Variants in ACSM1 observed in about 807,000 individuals in gnomAD.
The protein encoded by ACSM1 is acyl-coenzyme A synthetase ACSM1, mitochondrial.
Under a neutral mutation model 75.8 loss-of-function variants are expected in ACSM1, and 79 were observed. The ratio of observed to expected loss-of-function variants is 1.04; its 90% confidence interval spans 0.87 to 1.26. ACSM1 has a LOEUF of 1.26. Ranked by LOEUF, ACSM1 falls within the 50% of genes most tolerant of loss-of-function variation. ACSM1 has a pLI of 0.00. For missense variants in ACSM1, 676 were observed against 720.1 expected (o/e 0.94, Z 0.70); for synonymous variants, 279 against 265.8 (o/e 1.05, Z -0.48).
chr16:20,649,635 T>A (rs163267), intron 7 of ACSM1, among the ~76,000 whole-genome samples: 48,494 of 151,988 alleles, frequency 0.32, 8,815 homozygotes, highest in East Asian at 0.64. Context: ...TAACCTGAAC[T>A]TTTCCTTTGA....
At chr16:20,660,900 G>C (rs1444182734) in intron 7 of ACSM1, among the ~76,000 whole-genome samples, 1 of 152,122 alleles carries the variant, frequency 6.6e-6, no homozygotes. Context: ...ACACCCACCA[G>C]CCTGGCAAAA....
At chr16:20,654,203 T>C (rs889830953) in intron 7 of ACSM1, among the ~76,000 whole-genome samples, 2 of 152,218 alleles carry the variant, frequency 1.3e-5, no homozygotes, top group Non-Finnish European at 1.5e-5. Flanking sequence ...GCTAGCCATA[T>C]GTAGAAAGCT....
intron 2 of ACSM1, among the ~76,000 whole-genome samples, chr16:20,690,014 C>A (rs1411285244): frequency 6.6e-6 from 1 of 152,148 alleles, no homozygotes; most frequent in African/African-American, 2.4e-5. Context: ...TGATTAAATG[C>A]AAGGTGATTG....
intron 7 of ACSM1, among the ~76,000 whole-genome samples, chr16:20,658,697 C>T (rs542008984): frequency 4.6e-5 from 7 of 151,916 alleles, no homozygotes; most frequent in Non-Finnish European, 5.9e-5. Flanking sequence ...AGAATAGATT[C>T]GTCTATATTA....
At chr16:20,623,660 G>T in intron 13 of ACSM1, 88 bp from the exon 14 acceptor site, 1 of 1,317,384 alleles carries the variant, frequency 7.6e-7, no homozygotes, top group Non-Finnish European at 1.1e-6. Flanking sequence ...CCCCTCCACA[G>T]TCTCCCATGC....
chr16:20,675,211 C>T (rs1411225942), intron 4 of ACSM1, among the ~76,000 whole-genome samples: 1 of 152,034 alleles, frequency 6.6e-6, no homozygotes. Flanking sequence ...TCACCCGGGA[C>T]ACGAGAGAGG....
At chr16:20,645,537 A>G (rs1293473524) in intron 7 of ACSM1, among the ~76,000 whole-genome samples, 1 of 152,212 alleles carries the variant, frequency 6.6e-6, no homozygotes, top group Non-Finnish European at 1.5e-5. Context: ...GGTTGGGACA[A>G]TTATTTGATC....
chr16:20,668,208 C>A (rs399499), intron 6 of ACSM1, among the ~76,000 whole-genome samples: 26,218 of 152,044 alleles, frequency 0.17, 3,010 homozygotes, highest in African/African-American at 0.33. Flanking sequence ...TGGACTAATA[C>A]AATATCTAAA....
intron 6 of ACSM1, among the ~76,000 whole-genome samples, chr16:20,665,804 A>C (rs2019535530): frequency 6.6e-6 from 1 of 152,184 alleles, no homozygotes; most frequent in South Asian, 2.1e-4. Context: ...AGTAGGCTTT[A>C]TTCCTGGGAT....
At chr16:20,633,736 A>C (rs1344248637) in intron 10 of ACSM1, among the ~76,000 whole-genome samples, 1 of 152,146 alleles carries the variant, frequency 6.6e-6, no homozygotes, top group Non-Finnish European at 1.5e-5. Flanking sequence ...AATCTTTAAA[A>C]AGGTGAATAA....
intron 8 of ACSM1, 109 bp downstream of exon 8, chr16:20,640,351 TG>T: frequency 7.8e-7 from 1 of 1,274,426 alleles, no homozygotes; most frequent in Admixed American, 2.1e-5. Flanking sequence ...AAATCATCTT[TG>T]GGGAAAGGCA....
intron 4 of ACSM1, chr16:20,681,233 CAAATGAG>C: frequency 6.6e-6 from 1 of 152,278 alleles, no homozygotes; most frequent in East Asian, 1.9e-4. Context: ...ACAAGCAACA[CAAATGAG>C]AAATGCTATA....
intron 12 of ACSM1, 151 bp downstream of exon 12, chr16:20,625,272 G>A: frequency 1.4e-6 from 1 of 693,206 alleles, no homozygotes; most frequent in East Asian, 2.8e-5. Flanking sequence ...GCCACAGAGA[G>A]TCCACACTGT....
At position 20,681,713 on chromosome 16, in the gene ACSM1, AG is replaced by A. The variant is rs559179773; in HGVS notation, c.611+542del. The A allele has an allele frequency of 7.1e-4, 110 of 154,042 alleles. 1 individual carries two copies. Among genetic ancestry groups the A allele is most frequent in the Admixed American group, 5.3e-3 (83 of 15,634 alleles). 9.5% of individuals were successfully genotyped at this position (154,042 alleles called of 1,614,324 possible). ...ACACCTTTGTTATAAAAAGCAACAA[AG>A]GGGGGAAATGGAACAGGAATTAAAA... On this transcript the variant is annotated intron_variant, in intron 4 of 13. Transcript: ENST00000520010.
intron 8 of ACSM1, among the ~76,000 whole-genome samples, chr16:20,639,399 T>C (rs1399902739): frequency 6.6e-6 from 1 of 152,124 alleles, no homozygotes; most frequent in Admixed American, 6.5e-5. Context: ...GCAATGCACT[T>C]TTTGAGCCAG....
chr16:20,674,013 A>C, intron 4 of ACSM1: 1 of 415,662 alleles, frequency 2.4e-6, no homozygotes, highest in South Asian at 1.7e-5. Flanking sequence ...ACAGTGACAT[A>C]AGTGAGGTTT....
At chr16:20,670,940 T>C (rs2152271195) in intron 5 of ACSM1, among the ~76,000 whole-genome samples, 1 of 152,330 alleles carries the variant, frequency 6.6e-6, no homozygotes, top group South Asian at 2.1e-4. Flanking sequence ...TTCTGAATAT[T>C]ACTAGTTGGA....
At chr16:20,654,568 A>C (rs558376397) in intron 7 of ACSM1, among the ~76,000 whole-genome samples, 1 of 152,232 alleles carries the variant, frequency 6.6e-6, no homozygotes, top group South Asian at 2.1e-4. Context: ...ACAACAAAAA[A>C]CCCCATCAAA....
chr16:20,667,851 C>A (rs1240489199), intron 6 of ACSM1, among the ~76,000 whole-genome samples: 1 of 152,182 alleles, frequency 6.6e-6, no homozygotes, highest in Non-Finnish European at 1.5e-5. Flanking sequence ...TCTTTGGCAG[C>A]AACATGGATG....
Sources: allele counts gnomAD v4.1 joint callset (sites outside exome capture counted in the v4.1 genomes callset), GRCh38; gene constraint gnomAD v4.1.1; transcripts MANE v1.5; gene names NCBI Gene and HGNC (gene_info 2026-07-23, HGNC 2026-07-21).